The following ANO10 variants were observed in gnomAD, a reference collection of about 807,000 sequenced individuals.
ANO10 encodes anoctamin 10.
ANO10 carries 77 observed loss-of-function variants against 74.7 expected under a neutral mutation model. That is an observed-to-expected ratio of 1.03 (90% CI 0.86 to 1.25). The LOEUF (loss-of-function observed/expected upper bound fraction) is 1.25. Among genes scored for constraint, ANO10 ranks in the 50% most tolerant of loss-of-function variants. ANO10 has a pLI of 0.00. For synonymous variants in ANO10, 279 were observed against 284.9 expected (o/e 0.98, Z 0.21); for missense variants, 721 against 778.1 (o/e 0.93, Z 0.87).
rs1210764379 is a variant in ANO10 at position 43,600,415 on chromosome 3, G to A, written c.306C>T (p.Tyr102=). Residue 102 remains tyrosine (Y), a synonymous_variant, in exon 3 of 13, where the codon TAC becomes TAT. Transcript: ENST00000292246. Reference sequence around the variant, plus strand: ...AACCTTTGAAGTTCTGTCTGGTTCTGTATGTGAAGGCTCTCATGGTGTTAT... The same window carrying A: ...AACCTTTGAAGTTCTGTCTGGTTCTATATGTGAAGGCTCTCATGGTGTTAT... ...CNDNTMRAFT[Y]RTRQNFKGFD... 1 of 1,614,074 alleles carries A rather than the reference G, an allele frequency of 6.2e-7. No homozygotes were observed. Among genetic ancestry groups the A allele is most frequent in the Non-Finnish European group, 8.5e-7 (1 of 1,179,972 alleles).
At chr3:43,581,322 A>ACTTTTAGC (rs1206016537) in intron 4 of ANO10, among the ~76,000 whole-genome samples, 6 of 152,204 alleles carry the variant, frequency 3.9e-5, no homozygotes, top group African/African-American at 1.4e-4. Flanking sequence ...AAGACTTCCT[A>ACTTTTAGC]CTTTTAGCAG....
At chr3:43,683,753 C>T (rs1379468256) in intron 1 of ANO10, among the ~76,000 whole-genome samples, 3 of 152,050 alleles carry the variant, frequency 2.0e-5, no homozygotes, top group African/African-American at 7.2e-5. Context: ...TGGAACAGAA[C>T]AGAGCCCTCA....
chr3:43,485,422 C>A (rs1022245551), intron 11 of ANO10, among the ~76,000 whole-genome samples: 1 of 152,164 alleles, frequency 6.6e-6, no homozygotes. Context: ...TTGTCCTAAT[C>A]CAGCTCAACA....
At chr3:43,517,776 T>C (rs775392486) in intron 11 of ANO10, among the ~76,000 whole-genome samples, 1 of 152,186 alleles carries the variant, frequency 6.6e-6, no homozygotes, top group Non-Finnish European at 1.5e-5. Flanking sequence ...CAGATCATCA[T>C]ACAAATTGAG....
intron 12 of ANO10, among the ~76,000 whole-genome samples, chr3:43,425,925 A>G (rs1176266135): frequency 6.6e-6 from 1 of 152,140 alleles, no homozygotes; most frequent in Non-Finnish European, 1.5e-5. Context: ...GTCTGAAGAA[A>G]CATTTACCAT....
At chr3:43,674,058 C>T (rs1267760809) in intron 1 of ANO10, among the ~76,000 whole-genome samples, 5 of 152,102 alleles carry the variant, frequency 3.3e-5, no homozygotes, top group Non-Finnish European at 7.3e-5. Context: ...AATTTTTGAT[C>T]ACATGTTAAT....
Position 43,565,723 on chromosome 3 carries a change from T to C in ANO10, c.1223A>G (p.Asn408Ser), listed in dbSNP as rs1188206292. 1.5e-5 allele frequency: 23 copies of C among 1,539,788 alleles called. No homozygotes were observed. The highest frequency in any genetic ancestry group is 2.0e-5 in the Admixed American group (1 of 49,102). Residue 408 changes from asparagine (N) to serine (S), a missense_variant, in exon 8 of 13, where the codon AAC becomes AGC. Coordinates refer to ENST00000292246, the MANE Select transcript of ANO10 (RefSeq NM_018075.5). ...GAGTGAGGCAAAGCAATTGAGGAAG[T>C]TGAACTGCCAAAAAAAAAAAAAAAA... Reference protein sequence around the residue: ...NHLILKVLVFNFLNCFASLFY... With the variant: ...NHLILKVLVFSFLNCFASLFY...
intron 1 of ANO10, among the ~76,000 whole-genome samples, chr3:43,634,254 T>G (rs1473671331): frequency 6.6e-6 from 1 of 152,106 alleles, no homozygotes; most frequent in Non-Finnish European, 1.5e-5. Context: ...TTACACAACT[T>G]AGTAAGAGAA....
intron 11 of ANO10, among the ~76,000 whole-genome samples, chr3:43,502,472 G>C (rs2077134441): frequency 6.6e-6 from 1 of 152,094 alleles, no homozygotes; most frequent in African/African-American, 2.4e-5. Flanking sequence ...CTCACCATGT[G>C]ATCTCTACAC....
At chr3:43,467,984 A>G (rs1323995820) in intron 11 of ANO10, among the ~76,000 whole-genome samples, 3 of 152,212 alleles carry the variant, frequency 2.0e-5, no homozygotes, top group Non-Finnish European at 4.4e-5. Context: ...ACAGTGATGG[A>G]GTTCTTAGCA....
At chr3:43,475,405 T>C (rs1037537731) in intron 11 of ANO10, among the ~76,000 whole-genome samples, 21 of 152,204 alleles carry the variant, frequency 1.4e-4, no homozygotes, top group Non-Finnish European at 2.8e-4. Context: ...AGTCCTTTTA[T>C]GGTTTTAATT....
At chr3:43,470,214 G>C (rs1015814431) in intron 11 of ANO10, among the ~76,000 whole-genome samples, 1 of 152,232 alleles carries the variant, frequency 6.6e-6, no homozygotes, top group African/African-American at 2.4e-5. Flanking sequence ...ATACTGCTAA[G>C]TAAAAGGAGC....
intron 4 of ANO10, among the ~76,000 whole-genome samples, chr3:43,590,505 G>C (rs936329073): frequency 6.6e-6 from 1 of 151,990 alleles, no homozygotes. Context: ...GAAGACCAGA[G>C]AAGATACAGC....
At chr3:43,442,815 T>C (rs4569634) in intron 11 of ANO10, among the ~76,000 whole-genome samples, 149,407 of 152,350 alleles carry the variant, frequency 0.98, 73,332 homozygotes, top group East Asian at 1. Flanking sequence ...GGTGCCAATA[T>C]AACTTTAATA....
intron 11 of ANO10, among the ~76,000 whole-genome samples, chr3:43,483,460 G>A (rs1353177366): frequency 6.6e-6 from 1 of 152,150 alleles, no homozygotes; most frequent in Non-Finnish European, 1.5e-5. Flanking sequence ...GGGGTAACAC[G>A]TAACACTTGG....
At chr3:43,470,446 G>A (rs369023518) in intron 11 of ANO10, among the ~76,000 whole-genome samples, 1 of 151,692 alleles carries the variant, frequency 6.6e-6, no homozygotes, top group African/African-American at 2.4e-5. Context: ...CTCCGCCTCC[G>A]GGGTTCATGC....
At chr3:43,441,509 A>T (rs1458116572) in intron 11 of ANO10, among the ~76,000 whole-genome samples, 1 of 152,100 alleles carries the variant, frequency 6.6e-6, no homozygotes, top group Non-Finnish European at 1.5e-5. Flanking sequence ...AGATTGAATC[A>T]GTAATAAAAA....
rs140441028 is a variant in ANO10 at position 43,394,786 on chromosome 3, C to T, written c.1915-27812G>A. Among the ~76,000 whole-genome samples the T allele has an allele frequency of 6.0e-3, 912 of 152,178 alleles. 5 individuals carry two copies. The highest frequency in any genetic ancestry group is 9.6e-3 in the Non-Finnish European group (652 of 68,012). On this transcript the variant is annotated intron_variant, in intron 12 of 12. Transcript: ENST00000292246. ...CCTGATCTCTAATTCTCACAGTGTTCCCATTTACAGATGTAGTAACTGACA... is the reference window on the plus strand; with the variant it reads ...CCTGATCTCTAATTCTCACAGTGTTTCCATTTACAGATGTAGTAACTGACA...
intron 11 of ANO10, among the ~76,000 whole-genome samples, chr3:43,516,593 T>C (rs737516): frequency 0.49 from 75,129 of 152,022 alleles, 20,671 homozygotes; most frequent in East Asian, 0.83. Context: ...GCTTCACACA[T>C]ATTAGACTGG....
Sources: allele counts gnomAD v4.1 joint callset (sites outside exome capture counted in the v4.1 genomes callset), GRCh38; gene constraint gnomAD v4.1.1; transcripts MANE v1.5; gene names NCBI Gene and HGNC (gene_info 2026-07-23, HGNC 2026-07-21).